Variants in PDE8B observed in about 807,000 individuals in gnomAD.
PDE8B encodes the protein high affinity cAMP-specific and IBMX-insensitive 3',5'-cyclic phosphodiesterase 8B.
PDE8B carries 26 observed loss-of-function variants against 101.3 expected under a neutral mutation model. The observed-to-expected ratio is 0.26, with a 90% CI of 0.19 to 0.36. The LOEUF (loss-of-function observed/expected upper bound fraction) is 0.36, where lower values mean the gene tolerates loss of function less well. PDE8B is among the 10% of genes least tolerant of loss of function. The pLI is 1.00. For missense variants in PDE8B, 810 were observed against 1,163.1 expected (o/e 0.70, Z 4.42); for synonymous variants, 424 against 429.3 (o/e 0.99, Z 0.15).
chr5:77,178,723 T>A, the PDE8B span, among the ~76,000 whole-genome samples: 1 of 152,212 alleles, frequency 6.6e-6, no homozygotes, highest in Non-Finnish European at 1.5e-5. Flanking sequence ...TTAAGATTAC[T>A]CTGAAAGCGG....
chr5:77,290,202 G>T, intron 1 of PDE8B: 1 of 1,534,954 alleles, frequency 6.5e-7, no homozygotes, highest in Non-Finnish European at 8.8e-7. Context: ...CCTGCCTCGC[G>T]CACTGTGTGT....
intron 2 of PDE8B, 52 bp downstream of exon 2, chr5:77,312,105 C>CTTTT (rs11395504): frequency 1.3e-4 from 109 of 871,226 alleles, no homozygotes; most frequent in East Asian, 2.4e-4. Context: ...TTTTTTTTTT[C>CTTTT]TTTTTTTTTT....
Position 77,358,509 on chromosome 5 carries a change from C to G in PDE8B, c.1167+5103C>G, listed in dbSNP as rs781081466. ...GGGTTATGCCTCTTCGTACTTCCTCCTATGTATGCCCCATAGACATCAGGA... is the reference window on the plus strand; with the variant it reads ...GGGTTATGCCTCTTCGTACTTCCTCGTATGTATGCCCCATAGACATCAGGA... On this transcript the variant is annotated intron_variant, in intron 10 of 21. Transcript: ENST00000264917. 3.1e-5 allele frequency: 26 copies of G among 830,030 alleles called. No individual in the cohort carries two copies. In the African/African-American group the frequency reaches 4.1e-4, roughly 13 times the overall value. 51.4% of individuals were successfully genotyped at this position (830,030 alleles called of 1,614,324 possible).
chr5:77,306,664 T>C (rs1355747356), intron 1 of PDE8B, among the ~76,000 whole-genome samples: 2 of 152,198 alleles, frequency 1.3e-5, no homozygotes, highest in African/African-American at 4.8e-5. Flanking sequence ...TAAAACTCGA[T>C]GCCAAGTTAC....
chr5:77,389,651 C>A (rs980946757), intron 10 of PDE8B, among the ~76,000 whole-genome samples: 1 of 152,162 alleles, frequency 6.6e-6, no homozygotes, highest in East Asian at 1.9e-4. Flanking sequence ...TCTGTCCACC[C>A]ATCCTGCTCG....
At chr5:77,386,976 C>T (rs569147197) in intron 10 of PDE8B, among the ~76,000 whole-genome samples, 144 of 143,050 alleles carry the variant, frequency 1.0e-3, no homozygotes, top group African/African-American at 3.5e-3. Flanking sequence ...CTCCGCTTCC[C>T]GGGTTCACGC....
chr5:77,384,236 C>T (rs1257210844), intron 10 of PDE8B, among the ~76,000 whole-genome samples: 1 of 152,118 alleles, frequency 6.6e-6, no homozygotes, highest in Non-Finnish European at 1.5e-5. Context: ...ATTTTATTCT[C>T]TTTGTAGCAA....
intron 6 of PDE8B, among the ~76,000 whole-genome samples, chr5:77,340,906 C>G (rs1200732293): frequency 6.6e-6 from 1 of 152,112 alleles, no homozygotes; most frequent in Non-Finnish European, 1.5e-5. Flanking sequence ...TTCGAGGGCT[C>G]TTAAGAAGGT....
intron 1 of PDE8B, among the ~76,000 whole-genome samples, chr5:77,233,533 A>G (rs1370469566): frequency 6.6e-6 from 1 of 152,148 alleles, no homozygotes; most frequent in East Asian, 1.9e-4. Flanking sequence ...CTTTCCAATG[A>G]AAGGATAGGA....
intron 10 of PDE8B, among the ~76,000 whole-genome samples, chr5:77,362,874 G>A (rs572037324): frequency 6.6e-5 from 10 of 152,144 alleles, no homozygotes; most frequent in South Asian, 2.1e-4. Flanking sequence ...GACTGCCCCC[G>A]GCCACCTCTC....
rs550351883 is a variant in PDE8B, at chr5:77,329,842, G to A, written c.650+785G>A. 1.6e-4 allele frequency among the ~76,000 whole-genome samples: 25 copies of A among 152,154 alleles called. 1 individual carries two copies. Among genetic ancestry groups the A allele is most frequent in the East Asian group, 1.2e-3 (6 of 5,180 alleles). On this transcript the variant is annotated intron_variant, in intron 4 of 21. Transcript: ENST00000264917. ...TTATGGCATTTGGCACAAATTCTGC[G>A]ACAAAGGCCAGGAAAGTCTGGCCCA...
At chr5:77,206,221 GT>G (rs1488627619), upstream of PDE8B, among the ~76,000 whole-genome samples, 2 of 152,184 alleles carry the variant, frequency 1.3e-5, no homozygotes, top group African/African-American at 4.8e-5. Flanking sequence ...TGTTCCAAAA[GT>G]ATGGGATCCA....
At chr5:77,279,150 A>C (rs1181264198) in intron 1 of PDE8B, among the ~76,000 whole-genome samples, 2 of 152,238 alleles carry the variant, frequency 1.3e-5, no homozygotes, top group African/African-American at 4.8e-5. Context: ...AAAACTAAGA[A>C]AATGGAGTTT....
chr5:77,287,095 A>C (rs929588473), intron 1 of PDE8B, among the ~76,000 whole-genome samples: 2 of 152,150 alleles, frequency 1.3e-5, no homozygotes, highest in African/African-American at 4.8e-5. Context: ...CCTTTTCTAA[A>C]TGACATTATT....
At chr5:77,409,156 G>A in intron 14 of PDE8B, 99 bp downstream of exon 14, 2 of 971,334 alleles carry the variant, frequency 2.1e-6, no homozygotes, top group Non-Finnish European at 3.3e-6. Context: ...AGAAGTACCT[G>A]TTATATAGAC....
chr5:77,254,603 C>A (rs1480887435), intron 1 of PDE8B, among the ~76,000 whole-genome samples: 1 of 150,856 alleles, frequency 6.6e-6, no homozygotes, highest in Non-Finnish European at 1.5e-5. Context: ...CTTTTTTTTT[C>A]ATTTTTTTCC....
the PDE8B span, among the ~76,000 whole-genome samples, chr5:77,196,493 G>A: frequency 6.6e-6 from 1 of 152,168 alleles, no homozygotes; most frequent in Non-Finnish European, 1.5e-5. Context: ...CACATTGATT[G>A]ATTTTTGAAT....
chr5:77,356,964 T>G (rs182211708), intron 10 of PDE8B, among the ~76,000 whole-genome samples: 1 of 152,198 alleles, frequency 6.6e-6, no homozygotes, highest in African/African-American at 2.4e-5. Flanking sequence ...CCAGACTCAC[T>G]GAGCCTCCAG....
Position 77,337,233 on chromosome 5 carries a change from A to G in PDE8B, c.715A>G (p.Met239Val). The part of the protein sequence containing the change: ...LLHAGFNRRF[M>V]ENSSIIACYN... The stretch of plus-strand genomic sequence containing the variant: ...GTCTTTGCTTTCTTTTCAGAGATTT[A>G]TGGAGAATAGCAGCATAATTGCTTG... The change falls in exon 6 of 22, where the codon ATG (methionine) becomes GTG (valine). Residue 239 changes from methionine (M) to valine (V), a missense_variant. By Grantham distance (21) the Met-to-Val change is conservative. This residue lies in a region of PDE8B where 251 missense variants were observed against 378.8 expected (regional missense o/e 0.66). Transcript: ENST00000264917. 2 of 1,554,722 alleles carry G rather than the reference A, an allele frequency of 1.3e-6. No individual in the cohort carries two copies. The highest frequency in any genetic ancestry group is 1.8e-6 in the Non-Finnish European group (2 of 1,128,648).
Sources: gnomAD v4.1 joint callset for allele counts (sites outside exome capture counted in the v4.1 genomes callset) on GRCh38, gnomAD v4.1.1 for gene constraint, gnomAD v4.1.1 regional missense constraint, MANE v1.5 for transcripts, NCBI Gene and HGNC (gene_info 2026-07-23, HGNC 2026-07-21) for gene names.